TLN2: variants seen among roughly 807,000 people sequenced by gnomAD.
TLN2 encodes the protein talin-2.
In TLN2, 118 loss-of-function variants were observed where a neutral mutation model predicts 294.7. That is an observed-to-expected ratio of 0.40 (90% confidence interval 0.34 to 0.47). The LOEUF (loss-of-function observed/expected upper bound fraction) is 0.47, where lower values mean the gene tolerates loss of function less well. TLN2 is among the 20% of genes least tolerant of loss of function. The pLI is 0.84. For synonymous variants in TLN2, 1,431 were observed against 1,304.5 expected (o/e 1.10, Z -2.09); for missense variants, 3,083 against 3,282.2 (o/e 0.94, Z 1.48).
chr15:62,654,053 A>C (rs923920769), intron 7 of TLN2, among the ~76,000 whole-genome samples: 2 of 152,234 alleles, frequency 1.3e-5, no homozygotes, highest in Admixed American at 6.5e-5. Context: ...TCACCAATGT[A>C]TCTTTTTTTC....
At position 62,518,141 on chromosome 15, in the gene TLN2, C is replaced by T. The variant is rs576770112; in HGVS notation, c.-237-71546C>T. Among the ~76,000 whole-genome samples the T allele has an allele frequency of 3.3e-5, 5 of 152,114 alleles. No individual in the cohort carries two copies. In the East Asian group the frequency reaches 9.7e-4, roughly 29 times the overall value. On this transcript the variant is annotated intron_variant, in intron 1 of 58. Coordinates refer to ENST00000636159, the MANE Select transcript of TLN2 (RefSeq NM_015059.3). ...GCAACCTCCGCCTCCTGGGTTCAAG[C>T]GATTCTCCTGTCTCAGCCTCCTGAG...
chr15:62,444,598 T>C (rs1433158510), intron 1 of TLN2, among the ~76,000 whole-genome samples: 1 of 152,256 alleles, frequency 6.6e-6, no homozygotes. Flanking sequence ...TAACTGGTGC[T>C]GTCAGTGGTT....
chr15:62,602,082 A>G (rs1040373467), intron 2 of TLN2, among the ~76,000 whole-genome samples: 1 of 152,230 alleles, frequency 6.6e-6, no homozygotes, highest in Non-Finnish European at 1.5e-5. Flanking sequence ...GGCACAATAT[A>G]GAAACAAGGC....
chr15:62,670,333 G>C (rs2055247928), intron 9 of TLN2, among the ~76,000 whole-genome samples: 1 of 152,128 alleles, frequency 6.6e-6, no homozygotes, highest in African/African-American at 2.4e-5. Flanking sequence ...TTTTGTTCTG[G>C]GAGGTCAGAG....
At chr15:62,484,590 T>C (rs2038285514) in intron 1 of TLN2, among the ~76,000 whole-genome samples, 1 of 152,114 alleles carries the variant, frequency 6.6e-6, no homozygotes, top group Non-Finnish European at 1.5e-5. Context: ...CACGCCCGGC[T>C]AATTTTATGT....
intron 9 of TLN2, among the ~76,000 whole-genome samples, chr15:62,667,488 G>A (rs770808202): frequency 2.6e-5 from 4 of 152,114 alleles, no homozygotes; most frequent in Non-Finnish European, 5.9e-5. Flanking sequence ...CCTGTGCTGA[G>A]TGGATACTCT....
intron 9 of TLN2, among the ~76,000 whole-genome samples, chr15:62,664,656 C>T (rs555993645): frequency 1.3e-4 from 19 of 151,670 alleles, no homozygotes; most frequent in African/African-American, 2.9e-4. Flanking sequence ...GTTGGGAGTT[C>T]GAAACCAGCC....
At chr15:62,631,462 TTCTC>T (rs1041521307) in intron 3 of TLN2, among the ~76,000 whole-genome samples, 1 of 151,768 alleles carries the variant, frequency 6.6e-6, no homozygotes, top group Non-Finnish European at 1.5e-5. Context: ...TTCTCTTTCT[TTCTC>T]TCTCTCTTCC....
At chr15:62,774,471 A>T (rs2063561804) in intron 42 of TLN2, among the ~76,000 whole-genome samples, 1 of 152,138 alleles carries the variant, frequency 6.6e-6, no homozygotes, top group African/African-American at 2.4e-5. Flanking sequence ...GGTATCTGAA[A>T]CTATTGAGCT....
At chr15:62,401,910 G>A (rs1350294227) in intron 1 of TLN2, among the ~76,000 whole-genome samples, 2 of 152,078 alleles carry the variant, frequency 1.3e-5, no homozygotes, top group Non-Finnish European at 2.9e-5. Flanking sequence ...GACTTCTTTT[G>A]GCACAACTTT....
At chr15:62,445,935 G>A (rs2035797445) in intron 1 of TLN2, among the ~76,000 whole-genome samples, 1 of 152,098 alleles carries the variant, frequency 6.6e-6, no homozygotes, top group Non-Finnish European at 1.5e-5. Flanking sequence ...ACAGGCATGA[G>A]CCATCGCCTA....
chr15:62,693,288 C>A (rs113573199), intron 13 of TLN2, among the ~76,000 whole-genome samples: 3 of 152,086 alleles, frequency 2.0e-5, no homozygotes, highest in African/African-American at 4.8e-5. Flanking sequence ...GCTGAGATCA[C>A]GCCACTGTAC....
chr15:62,668,186 G>T (rs554251111), intron 9 of TLN2, among the ~76,000 whole-genome samples: 1 of 152,064 alleles, frequency 6.6e-6, no homozygotes, highest in Admixed American at 6.6e-5. Context: ...AATTTGCAAA[G>T]AGTAAATTTT....
chr15:62,750,734 G>A (rs1198676850), intron 34 of TLN2, among the ~76,000 whole-genome samples: 1 of 152,196 alleles, frequency 6.6e-6, no homozygotes, highest in Admixed American at 6.5e-5. Context: ...GTAGGTCTGA[G>A]AGGAAGCTGA....
intron 54 of TLN2, among the ~76,000 whole-genome samples, chr15:62,821,171 T>G (rs542730002): frequency 3.3e-5 from 5 of 152,248 alleles, no homozygotes; most frequent in Non-Finnish European, 7.3e-5. Flanking sequence ...AGGAAAGAGA[T>G]ACTTTTAGAT....
At chr15:62,756,952 C>T (rs2062304882) in intron 37 of TLN2, among the ~76,000 whole-genome samples, 1 of 152,120 alleles carries the variant, frequency 6.6e-6, no homozygotes, top group Admixed American at 6.5e-5. Flanking sequence ...CAAGAGTAAG[C>T]TCAGTTGAAG....
intron 1 of TLN2, among the ~76,000 whole-genome samples, chr15:62,457,291 G>T (rs564903990): frequency 2.6e-5 from 4 of 152,218 alleles, no homozygotes; most frequent in African/African-American, 9.6e-5. Flanking sequence ...TGCACAGGCA[G>T]GCTCTCTGGC....
At chr15:62,808,461 T>C (rs2066447564) in intron 51 of TLN2, among the ~76,000 whole-genome samples, 1 of 152,248 alleles carries the variant, frequency 6.6e-6, no homozygotes, top group African/African-American at 2.4e-5. Flanking sequence ...CTTTGGATTA[T>C]TTCCTTAGGC....
rs558059818 is a variant in TLN2 at position 62,775,519 on chromosome 15, C to A, written c.5368-1245C>A. 5.9e-5 allele frequency among the ~76,000 whole-genome samples: 9 copies of A among 152,290 alleles called. No individual in the cohort carries two copies. The South Asian group carries it at 1.9e-3, about 32-fold the overall frequency. On this transcript the variant is annotated intron_variant, in intron 42 of 58. Coordinates refer to ENST00000636159, the MANE Select transcript of TLN2 (RefSeq NM_015059.3). ...TGCCTCAAGGATAACCATCCATGAT[C>A]AACATATTTCCCATCTCATCAGATG...
Sources: allele counts gnomAD v4.1 joint callset (sites outside exome capture counted in the v4.1 genomes callset), GRCh38; gene constraint gnomAD v4.1.1; transcripts MANE v1.5; gene names NCBI Gene and HGNC (gene_info 2026-07-23, HGNC 2026-07-21).